AUTS2: variants seen among roughly 807,000 people sequenced by gnomAD.
AUTS2 encodes autism susceptibility gene 2 protein.
AUTS2 carries 17 observed loss-of-function variants against 112.4 expected under a neutral mutation model. The observed-to-expected ratio is 0.15, with a 90% CI of 0.10 to 0.23. The LOEUF is 0.23. AUTS2 is among the 10% of genes least tolerant of loss of function. The pLI is 1.00. For synonymous variants in AUTS2, 751 were observed against 702.7 expected (o/e 1.07, Z -1.09); for missense variants, 1,510 against 1,701.6 (o/e 0.89, Z 1.98).
intron 1 of AUTS2, among the ~76,000 whole-genome samples, chr7:69,769,004 C>A (rs1261744843): frequency 6.6e-6 from 1 of 152,178 alleles, no homozygotes; most frequent in Non-Finnish European, 1.5e-5. Flanking sequence ...TTCTCCCATC[C>A]TGTACAATGA....
intron 6 of AUTS2, among the ~76,000 whole-genome samples, chr7:70,720,471 C>T (rs752994154): frequency 2.0e-5 from 3 of 152,136 alleles, no homozygotes; most frequent in Non-Finnish European, 4.4e-5. Context: ...TTCTTCCCCA[C>T]GGGCACAGAG....
At chr7:70,383,777 AACAGACT>A (rs1226932967) in intron 4 of AUTS2, among the ~76,000 whole-genome samples, 1 of 152,222 alleles carries the variant, frequency 6.6e-6, no homozygotes, top group Admixed American at 6.5e-5. Context: ...AGCGCAATGA[AACAGACT>A]GCAGCCTCTT....
At chr7:70,365,656 AT>A (rs978433292) in intron 4 of AUTS2, among the ~76,000 whole-genome samples, 1 of 152,234 alleles carries the variant, frequency 6.6e-6, no homozygotes, top group Non-Finnish European at 1.5e-5. Context: ...TTGTCTGGTA[AT>A]TGACCATATT....
intron 6 of AUTS2, among the ~76,000 whole-genome samples, chr7:70,746,807 C>T (rs1374339864): frequency 2.6e-5 from 4 of 152,076 alleles, no homozygotes; most frequent in South Asian, 4.1e-4. Context: ...TTTGTGAACA[C>T]GGGGAGTAGC....
chr7:69,867,320 C>A (rs1480516284), intron 1 of AUTS2, among the ~76,000 whole-genome samples: 1 of 152,006 alleles, frequency 6.6e-6, no homozygotes, highest in Non-Finnish European at 1.5e-5. Context: ...TTTTAAATTG[C>A]CTTTTTTGCT....
At chr7:70,588,155 G>A (rs1802769656) in intron 5 of AUTS2, among the ~76,000 whole-genome samples, 2 of 152,214 alleles carry the variant, frequency 1.3e-5, no homozygotes, top group Admixed American at 6.5e-5. Flanking sequence ...TATGTAGTGA[G>A]CACATCAGAA....
At chr7:70,534,930 G>A (rs1400204023) in intron 5 of AUTS2, among the ~76,000 whole-genome samples, 1 of 151,220 alleles carries the variant, frequency 6.6e-6, no homozygotes. Context: ...ATATTTTTTT[G>A]TAATTGTAGG....
chr7:70,417,281 A>T (rs1356139287), intron 4 of AUTS2, among the ~76,000 whole-genome samples: 1 of 152,224 alleles, frequency 6.6e-6, no homozygotes, highest in African/African-American at 2.4e-5. Context: ...GCGGGAGAGG[A>T]AAACCATTTT....
chr7:70,105,096 C>T (rs1311380957), intron 2 of AUTS2, among the ~76,000 whole-genome samples: 1 of 152,180 alleles, frequency 6.6e-6, no homozygotes, highest in East Asian at 1.9e-4. Flanking sequence ...CAGACTACTG[C>T]TGGCATGGGT....
At chr7:70,580,612 TC>T (rs1748103502) in intron 5 of AUTS2, among the ~76,000 whole-genome samples, 1 of 152,150 alleles carries the variant, frequency 6.6e-6, no homozygotes, top group African/African-American at 2.4e-5. Flanking sequence ...TCAACCTTTT[TC>T]TCTTGAGCTG....
intron 2 of AUTS2, among the ~76,000 whole-genome samples, chr7:69,999,856 T>C (rs1799107574): frequency 6.6e-6 from 1 of 152,188 alleles, no homozygotes; most frequent in Non-Finnish European, 1.5e-5. Flanking sequence ...TTAGAAAGTT[T>C]GCAGCTTTTG....
At chr7:70,163,173 G>A (rs1202361317) in intron 4 of AUTS2, among the ~76,000 whole-genome samples, 1 of 151,896 alleles carries the variant, frequency 6.6e-6, no homozygotes, top group Non-Finnish European at 1.5e-5. Context: ...TAAGTTAACT[G>A]AGGCTGGAAT....
At chr7:70,172,067 C>T (rs149956302) in intron 4 of AUTS2, among the ~76,000 whole-genome samples, 1 of 152,204 alleles carries the variant, frequency 6.6e-6, no homozygotes, top group Non-Finnish European at 1.5e-5. Context: ...CCTTTCTTTC[C>T]TCCTCACCAA....
intron 4 of AUTS2, among the ~76,000 whole-genome samples, chr7:70,252,561 T>C (rs1305193854): frequency 6.6e-6 from 1 of 152,196 alleles, no homozygotes; most frequent in Non-Finnish European, 1.5e-5. Flanking sequence ...ATTTCTTAAC[T>C]CTGCTAATCG....
intron 6 of AUTS2, among the ~76,000 whole-genome samples, chr7:70,734,579 G>A (rs1361409825): frequency 2.6e-5 from 4 of 152,146 alleles, no homozygotes; most frequent in Non-Finnish European, 5.9e-5. Flanking sequence ...GCTTGTGGGG[G>A]CTGGCAGGGT....
chr7:69,872,374 TTCC>T (rs909924255), intron 1 of AUTS2, among the ~76,000 whole-genome samples: 4 of 152,352 alleles, frequency 2.6e-5, no homozygotes, highest in East Asian at 3.9e-4. Context: ...AAATGTTTTC[TTCC>T]TCCTCCTCCT....
At chr7:69,686,432 G>A (rs1031080203) in intron 1 of AUTS2, among the ~76,000 whole-genome samples, 2 of 152,120 alleles carry the variant, frequency 1.3e-5, no homozygotes, top group Non-Finnish European at 2.9e-5. Context: ...ATATTGAAAT[G>A]ATGAAAAAGA....
chr7:70,015,750 C>A (rs1296053282), intron 2 of AUTS2, among the ~76,000 whole-genome samples: 1 of 151,548 alleles, frequency 6.6e-6, no homozygotes, highest in African/African-American at 2.4e-5. Flanking sequence ...GGTCATGGCT[C>A]AGGGAAATGT....
intron 2 of AUTS2, among the ~76,000 whole-genome samples, chr7:70,114,202 G>A (rs998527201): frequency 2.6e-5 from 4 of 152,132 alleles, no homozygotes; most frequent in African/African-American, 4.8e-5. Context: ...AACAGAGAGT[G>A]GGTTATAGTA....
Sources: gnomAD v4.1 joint callset for allele counts (sites outside exome capture counted in the v4.1 genomes callset) on GRCh38, gnomAD v4.1.1 for gene constraint, MANE v1.5 for transcripts, NCBI Gene and HGNC (gene_info 2026-07-23, HGNC 2026-07-21) for gene names.